The following BSPRY variants were observed in gnomAD, a reference collection of about 807,000 sequenced individuals.
The protein encoded by BSPRY is B-box and SPRY domain containing.
A neutral mutation model predicts 38.0 loss-of-function variants in BSPRY; 33 were observed. That is an observed-to-expected ratio of 0.87 (90% confidence interval 0.66 to 1.16). The LOEUF (loss-of-function observed/expected upper bound fraction) is 1.16. BSPRY is among the 50% of genes most tolerant of loss of function. BSPRY has a pLI of 0.00. For missense variants in BSPRY, 523 were observed against 533.2 expected, an observed-to-expected ratio of 0.98 and a Z score of 0.19; for synonymous variants, 224 against 228.5, an observed-to-expected ratio of 0.98 and a Z score of 0.18.
Position 113,369,647 on chromosome 9 carries a change from A to C in BSPRY, c.714A>C (p.Thr238=). 1 of 1,613,982 alleles carries C rather than the reference A, an allele frequency of 6.2e-7. No homozygotes were observed. Residue 238 remains threonine, a synonymous_variant, in exon 6 of 6, where the codon ACA becomes ACC. Coordinates refer to ENST00000374183, the MANE Select transcript of BSPRY (RefSeq NM_017688.3). The part of the protein sequence containing the change: ...GTEDIRIDER[T]VSPFLQLSDD... ...AGGACATACGGATCGATGAGAGGAC[A>C]GTCAGCCCCTTCCTGCAATTGTCAG...
chr9:113,356,877 G>A (rs1169146080), intron 2 of BSPRY, among the ~76,000 whole-genome samples: 21 of 152,212 alleles, frequency 1.4e-4, no homozygotes, highest in Admixed American at 1.4e-3. Flanking sequence ...GAGCAGGCAT[G>A]CTAAGTTGTT....
intron 1 of BSPRY, among the ~76,000 whole-genome samples, chr9:113,352,224 A>G (rs1466078944): frequency 2.0e-5 from 3 of 152,198 alleles, no homozygotes; most frequent in African/African-American, 7.2e-5. Flanking sequence ...TCATTCAACA[A>G]ATATTTATTC....
intron 2 of BSPRY, among the ~76,000 whole-genome samples, chr9:113,355,391 G>C (rs1443267463): frequency 6.6e-6 from 1 of 152,148 alleles, no homozygotes; most frequent in Admixed American, 6.5e-5. Context: ...CAGGACACTA[G>C]GGGTCCTCTT....
intron 3 of BSPRY, 48 bp downstream of exon 3, chr9:113,360,785 A>C: frequency 1.4e-6 from 2 of 1,423,176 alleles, no homozygotes; most frequent in Non-Finnish European, 1.9e-6. Flanking sequence ...AGGCTCCCCA[A>C]AAGCCTGAAA....
intron 2 of BSPRY, 99 bp from the exon 3 acceptor site, chr9:113,360,407 TA>T: frequency 8.9e-7 from 1 of 1,120,960 alleles, no homozygotes; most frequent in Non-Finnish European, 1.3e-6. Flanking sequence ...CAGACATTGC[TA>T]ATCAATCTCA....
At chr9:113,368,943 A>G (rs1352385690) in intron 5 of BSPRY, among the ~76,000 whole-genome samples, 3 of 151,692 alleles carry the variant, frequency 2.0e-5, no homozygotes, top group African/African-American at 7.3e-5. Context: ...CATTCTCCCA[A>G]TGGTAGTCTT....
chr9:113,363,559 G>C (rs1461029154), intron 4 of BSPRY, among the ~76,000 whole-genome samples: 1 of 152,132 alleles, frequency 6.6e-6, no homozygotes, highest in African/African-American at 2.4e-5. Flanking sequence ...AGTCATAGGA[G>C]GGTATGTGGC....
chr9:113,349,600 G>GCCGGGGCCGGGGT lies in BSPRY; in HGVS notation c.27_39dup (p.Ser14AlafsTer66). On this transcript the variant is annotated frameshift_variant, in exon 1 of 6. Transcript: ENST00000374183. LOFTEE classifies it high-confidence loss of function. ...CGGCCATGTCCGCCGAGGGCGCGGA[G>GCCGGGGCCGGGGT]CCGGGGCCGGGGTCCGGGTCCGGGC... is the stretch of plus-strand genomic sequence containing the variant. 5.9e-6 allele frequency: 7 copies of GCCGGGGCCGGGGT among 1,184,542 alleles called. No individual in the cohort carries two copies. Among genetic ancestry groups the GCCGGGGCCGGGGT allele is most frequent in the Non-Finnish European group, 7.3e-6 (7 of 958,032 alleles). The allele number at this position is 1,184,542 out of a possible 1,614,324, so 73.4% of individuals were successfully genotyped here.
At chr9:113,369,467 A>T (rs1834303668) in intron 5 of BSPRY, 149 bp from the exon 6 acceptor site, 2 of 758,826 alleles carry the variant, frequency 2.6e-6, no homozygotes, top group Admixed American at 2.5e-5. Flanking sequence ...TCCTATTTTG[A>T]CCCCCGTTTT....
At chr9:113,368,149 G>A in intron 4 of BSPRY, 110 bp from the exon 5 acceptor site, 2 of 1,377,358 alleles carry the variant, frequency 1.5e-6, no homozygotes, top group Non-Finnish European at 2.0e-6. Context: ...TGCCAATCTT[G>A]GTATCGCCTG....
rs3088235 is a variant in BSPRY, at chr9:113,370,054, C to T, written c.1121C>T (p.Thr374Ile). The T allele has an allele frequency of 0.19, 306,035 of 1,613,972 alleles. 30,863 individuals carry two copies. The highest frequency in any genetic ancestry group is 0.22 in the South Asian group (20,097 of 91,060). ...ELLFYEPASG[T>I]VLCAHHVSFP... ...CTCTTCTATGAGCCAGCCTCCGGCA[C>T]AGTGCTCTGTGCCCATCATGTGTCC... Residue 374 changes from threonine (T) to isoleucine (I), a missense_variant, in exon 6 of 6, where the codon ACA (threonine) becomes ATA (isoleucine). Coordinates refer to ENST00000374183, the MANE Select transcript of BSPRY (RefSeq NM_017688.3). This position sits in a 1 kb window ranked among gnomAD's most constrained non-coding sequence, Gnocchi z 4.8.
chr9:113,357,349 TA>T (rs1834076883), intron 2 of BSPRY, among the ~76,000 whole-genome samples: 1 of 152,242 alleles, frequency 6.6e-6, no homozygotes, highest in South Asian at 2.1e-4. Flanking sequence ...GCTACCCTTT[TA>T]TAGCCACATG....
At chr9:113,356,158 A>G (rs1045419246) in intron 2 of BSPRY, among the ~76,000 whole-genome samples, 1 of 152,166 alleles carries the variant, frequency 6.6e-6, no homozygotes, top group African/African-American at 2.4e-5. Context: ...TAAAACAGAA[A>G]GGGGAATAGG....
chr9:113,354,083 A>T (rs1834016579), intron 1 of BSPRY, among the ~76,000 whole-genome samples, 157 bp from the exon 2 acceptor site: 1 of 151,754 alleles, frequency 6.6e-6, no homozygotes, highest in South Asian at 2.1e-4. Flanking sequence ...CTTGAAATGG[A>T]GATTTAGGAG....
At chr9:113,356,537 G>A (rs1396080055) in intron 2 of BSPRY, among the ~76,000 whole-genome samples, 3 of 152,002 alleles carry the variant, frequency 2.0e-5, no homozygotes, top group Non-Finnish European at 4.4e-5. Context: ...TGGCTGCTAT[G>A]TTTAGAAGTG....
intron 1 of BSPRY, among the ~76,000 whole-genome samples, chr9:113,353,500 C>T (rs7025333): frequency 0.34 from 51,198 of 151,936 alleles, 9,541 homozygotes; most frequent in South Asian, 0.45. Context: ...GTCTGGAGTT[C>T]GAAACCAGCC....
intron 3 of BSPRY, 50 bp downstream of exon 3, chr9:113,360,787 A>AG: frequency 7.0e-7 from 1 of 1,426,154 alleles, no homozygotes; most frequent in Middle Eastern, 2.4e-4. Flanking sequence ...GCTCCCCAAA[A>AG]GCCTGAAAAT....
chr9:113,363,013 A>ACAGTC (rs1164961439), intron 4 of BSPRY, among the ~76,000 whole-genome samples: 2 of 152,224 alleles, frequency 1.3e-5, no homozygotes, highest in African/African-American at 4.8e-5. Context: ...CTTAGGGAAC[A>ACAGTC]CAGTCCATTC....
In BSPRY at chr9:113,360,646, G is replaced by A. The variant is rs1345667907; in HGVS notation, c.440G>A (p.Arg147Gln). The stretch of plus-strand genomic sequence containing the variant: ...GCCCACCAGAGCATCCTGACACAGC[G>A]GGTGCACTGGGCCGAGGCGCTGCAG... The part of the protein sequence containing the change: ...ERAHQSILTQ[R>Q]VHWAEALQKL... The change falls in exon 3 of 6, where the codon CGG becomes CAG. Residue 147 changes from arginine to glutamine, a missense_variant. By Grantham distance (43) the Arg-to-Gln change is conservative (BLOSUM62 1). Coordinates refer to ENST00000374183, the MANE Select transcript of BSPRY (RefSeq NM_017688.3). 1.2e-5 allele frequency: 20 copies of A among 1,609,012 alleles called. 1 individual carries two copies. In the South Asian group the frequency reaches 1.6e-4, roughly 13 times the overall value.
Sources: allele counts gnomAD v4.1 joint callset (sites outside exome capture counted in the v4.1 genomes callset), GRCh38; gene constraint gnomAD v4.1.1; non-coding constraint Gnocchi (gnomAD v3.1); transcripts MANE v1.5; gene names NCBI Gene and HGNC (gene_info 2026-07-23, HGNC 2026-07-21).